Variants in NRXN3 observed in about 807,000 individuals in gnomAD.
The protein encoded by NRXN3 is neurexin III.
NRXN3 carries 32 observed loss-of-function variants against 137.6 expected under a neutral mutation model. The ratio of observed to expected loss-of-function variants is 0.23; its 90% confidence interval spans 0.18 to 0.31. NRXN3 has a LOEUF of 0.31. NRXN3 is among the 10% of genes least tolerant of loss of function. NRXN3 has a pLI of 1.00. For synonymous variants in NRXN3, 798 were observed against 784.5 expected, an observed-to-expected ratio of 1.02 and a Z score of -0.29; for missense variants, 1,574 against 2,062.5, an observed-to-expected ratio of 0.76 and a Z score of 4.59.
In NRXN3 at chr14:79,049,072, A is replaced by AAATAATAAT. The variant is rs750758304; in HGVS notation, c.3262+60948_3262+60956dup. Among the ~76,000 whole-genome samples the AAATAATAAT allele has an allele frequency of 7.8e-4, 33 of 42,468 alleles. No homozygotes were observed. In the East Asian group the frequency reaches 0.019, roughly 25 times the overall value. 27.9% of individuals were successfully genotyped at this position (42,468 alleles called of 152,430 possible). A position where few individuals can be genotyped will look rare whatever the true frequency, so the allele number is the denominator to read the frequency against. ...AAAAAAAAAAAAAAAAAAAAAAAAA[A>AAATAATAAT]AATAATAATAATAATAATAATAATA... On this transcript the variant is annotated intron_variant, in intron 15 of 20. Coordinates refer to ENST00000335750, the MANE Select transcript of NRXN3 (RefSeq NM_001330195.2).
chr14:79,501,277 TTTCCA>T (rs2096823884), intron 16 of NRXN3, among the ~76,000 whole-genome samples: 1 of 152,148 alleles, frequency 6.6e-6, no homozygotes, highest in Non-Finnish European at 1.5e-5. Context: ...ACACTGAACA[TTTCCA>T]TTGCCCCCTC....
At chr14:79,362,806 A>T (rs188195633) in intron 15 of NRXN3, among the ~76,000 whole-genome samples, 1 of 152,312 alleles carries the variant, frequency 6.6e-6, no homozygotes, top group Admixed American at 6.5e-5. Context: ...AGCAGGCACG[A>T]TAAGTTTACT....
intron 19 of NRXN3, among the ~76,000 whole-genome samples, chr14:79,717,150 G>A (rs1208603727): frequency 6.6e-6 from 1 of 152,140 alleles, no homozygotes; most frequent in Non-Finnish European, 1.5e-5. Flanking sequence ...TCTTTTCTTC[G>A]TGATGCGACT....
intron 19 of NRXN3, among the ~76,000 whole-genome samples, chr14:79,709,267 T>TATC (rs1317522324): frequency 2.0e-5 from 3 of 152,176 alleles, no homozygotes; most frequent in Non-Finnish European, 1.5e-5. Context: ...TCTGTTTACC[T>TATC]ATCTCTTCCA....
chr14:79,141,343 T>C (rs963770877), intron 15 of NRXN3, among the ~76,000 whole-genome samples: 1 of 152,230 alleles, frequency 6.6e-6, no homozygotes, highest in African/African-American at 2.4e-5. Flanking sequence ...TCACATGTTA[T>C]CTATCATCCT....
At chr14:79,812,295 G>A (rs766398372) in intron 20 of NRXN3, among the ~76,000 whole-genome samples, 11 of 152,054 alleles carry the variant, frequency 7.2e-5, no homozygotes, top group Non-Finnish European at 1.2e-4. Context: ...TTACATGTAG[G>A]CACTAGAATA....
chr14:78,246,544 G>T (rs1317664723), intron 2 of NRXN3, among the ~76,000 whole-genome samples: 1 of 152,162 alleles, frequency 6.6e-6, no homozygotes, highest in Non-Finnish European at 1.5e-5. Flanking sequence ...GCAGTGCAAA[G>T]GTTGAGGTGA....
intron 14 of NRXN3, among the ~76,000 whole-genome samples, chr14:78,981,007 A>AT (rs1171806897): frequency 6.6e-6 from 1 of 152,084 alleles, no homozygotes; most frequent in East Asian, 1.9e-4. Flanking sequence ...AATGACAATG[A>AT]TAAAAAAAGA....
chr14:79,465,774 T>C, intron 15 of NRXN3, among the ~76,000 whole-genome samples: 1 of 152,174 alleles, frequency 6.6e-6, no homozygotes, highest in East Asian at 1.9e-4. Context: ...GGTTGGAACA[T>C]GGTCACTGAG....
chr14:78,393,076 A>C (rs2090983284), intron 4 of NRXN3, among the ~76,000 whole-genome samples: 1 of 152,194 alleles, frequency 6.6e-6, no homozygotes, highest in Admixed American at 6.6e-5. Context: ...AATCTACCAG[A>C]AAAGAGAAAA....
At chr14:79,434,054 A>G (rs865931729) in intron 15 of NRXN3, among the ~76,000 whole-genome samples, 19 of 152,184 alleles carry the variant, frequency 1.2e-4, no homozygotes, top group African/African-American at 3.6e-4. Flanking sequence ...CATTTAATAC[A>G]TATGCTTGCT....
At chr14:79,803,013 C>T (rs1017769863) in intron 19 of NRXN3, among the ~76,000 whole-genome samples, 1 of 151,768 alleles carries the variant, frequency 6.6e-6, no homozygotes, top group Non-Finnish European at 1.5e-5. Flanking sequence ...CAAACCTGCA[C>T]GTTTTGCACA....
chr14:78,795,128 T>C (rs1475072872), intron 8 of NRXN3, among the ~76,000 whole-genome samples: 2 of 152,090 alleles, frequency 1.3e-5, no homozygotes, highest in Non-Finnish European at 2.9e-5. Flanking sequence ...TGATATTTGA[T>C]TTTTCTTTGA....
chr14:79,415,351 T>C (rs987139855), intron 15 of NRXN3, among the ~76,000 whole-genome samples: 5 of 152,188 alleles, frequency 3.3e-5, no homozygotes, highest in Admixed American at 2.6e-4. Flanking sequence ...AGTTTTTTTC[T>C]TGTCATTATT....
intron 4 of NRXN3, among the ~76,000 whole-genome samples, chr14:78,594,519 C>T (rs1380584247): frequency 6.6e-6 from 1 of 152,188 alleles, no homozygotes; most frequent in Non-Finnish European, 1.5e-5. Flanking sequence ...GTCAATACAA[C>T]TACTCTTGAG....
chr14:78,938,276 A>G (rs1369729977), intron 10 of NRXN3, among the ~76,000 whole-genome samples: 1 of 152,250 alleles, frequency 6.6e-6, no homozygotes, highest in African/African-American at 2.4e-5. Context: ...GCTGGAGCAG[A>G]AATTTGAAGC....
chr14:79,624,904 A>T (rs2098267351), intron 16 of NRXN3, among the ~76,000 whole-genome samples: 1 of 150,798 alleles, frequency 6.6e-6, no homozygotes, highest in Non-Finnish European at 1.5e-5. Context: ...CCCAGGCTCC[A>T]GGGATTCTGT....
At chr14:78,803,523 C>A in intron 8 of NRXN3, 97 bp from the exon 9 acceptor site, 2 of 1,089,650 alleles carry the variant, frequency 1.8e-6, no homozygotes, top group Non-Finnish European at 2.8e-6. Flanking sequence ...GGCTACAAAT[C>A]TGGCACCCTC....
At chr14:78,406,023 A>G (rs577256214) in intron 4 of NRXN3, among the ~76,000 whole-genome samples, 1 of 152,334 alleles carries the variant, frequency 6.6e-6, no homozygotes, top group East Asian at 1.9e-4. Context: ...TGGATGAATC[A>G]TGAGGGAAAC....
Sources: gnomAD v4.1 joint callset for allele counts (sites outside exome capture counted in the v4.1 genomes callset) on GRCh38, gnomAD v4.1.1 for gene constraint, MANE v1.5 for transcripts, NCBI Gene and HGNC (gene_info 2026-07-23, HGNC 2026-07-21) for gene names.